Variants in SYBU observed in about 807,000 individuals in gnomAD.
SYBU encodes GOLSYN A protein.
A neutral mutation model predicts 35.9 loss-of-function variants in SYBU; 21 were observed. That is an observed-to-expected ratio of 0.58 (90% CI 0.41 to 0.84). The LOEUF (loss-of-function observed/expected upper bound fraction) is 0.84. SYBU is among the 40% of genes least tolerant of loss of function. The pLI is 0.00. For missense variants in SYBU, 768 were observed against 848.2 expected, an observed-to-expected ratio of 0.91 and a Z score of 1.17; for synonymous variants, 319 against 324.3, an observed-to-expected ratio of 0.98 and a Z score of 0.18.
chr8:109,603,630 G>A (rs1259664112), intron 3 of SYBU, among the ~76,000 whole-genome samples: 5 of 152,110 alleles, frequency 3.3e-5, no homozygotes, highest in Non-Finnish European at 5.9e-5. Context: ...GCAAAGCAGA[G>A]TATTACGAAA....
At chr8:109,678,134 CAAAAAA>C (rs758399888) in intron 1 of SYBU, among the ~76,000 whole-genome samples, 43 of 43,148 alleles carry the variant, frequency 1.0e-3, no homozygotes, top group African/African-American at 1.4e-3. Context: ...AACTCCACCT[CAAAAAA>C]AAAAAAAAAA....
chr8:109,644,090 C>A (rs1182709250), intron 1 of SYBU: 2 of 456,890 alleles, frequency 4.4e-6, no homozygotes, highest in Non-Finnish European at 8.8e-6. Flanking sequence ...TCTGGGAGGC[C>A]GGCACATGGC....
At chr8:109,634,954 G>A (rs1047863582) in intron 2 of SYBU, among the ~76,000 whole-genome samples, 2 of 151,980 alleles carry the variant, frequency 1.3e-5, no homozygotes, top group Non-Finnish European at 2.9e-5. Flanking sequence ...ATTCTTTGCT[G>A]TTTACTTCTC....
Position 109,575,433 on chromosome 8 carries a change from G to A in SYBU, c.1465C>T (p.Gln489Ter), listed in dbSNP as rs377270994. 1 of 1,614,098 alleles carries A rather than the reference G, an allele frequency of 6.2e-7. No individual in the cohort carries two copies. The highest frequency in any genetic ancestry group is 1.3e-5 in the African/African-American group (1 of 74,992). Residue 489 changes from glutamine (Q) to a stop codon, truncating the protein, a stop_gained, in exon 7 of 7, where the codon CAG (glutamine) becomes TAG (stop). Coordinates refer to ENST00000276646, the MANE Select transcript of SYBU (RefSeq NM_001099754.2). LOFTEE classifies it low-confidence loss of function (END_TRUNC). ...EGSVVVERAV[Q>*]TDVVPYSPAI... ...GGGCTGTAGGGCACCACGTCGGTCTGAACGGCTCGCTCCACCACCACACTG... is the reference window on the plus strand; with the variant it reads ...GGGCTGTAGGGCACCACGTCGGTCTAAACGGCTCGCTCCACCACCACACTG...
At chr8:109,633,772 C>T (rs1813896766) in intron 2 of SYBU, among the ~76,000 whole-genome samples, 1 of 152,098 alleles carries the variant, frequency 6.6e-6, no homozygotes, top group African/African-American at 2.4e-5. Context: ...CTTGCTCTGT[C>T]ACCCAGGCTG....
At chr8:109,612,511 A>AT (rs1266517995) in intron 3 of SYBU, among the ~76,000 whole-genome samples, 1 of 152,188 alleles carries the variant, frequency 6.6e-6, no homozygotes, top group East Asian at 1.9e-4. Context: ...TAGCACTAAA[A>AT]TTTTAATTTT....
chr8:109,591,081 A>G (rs952443634), intron 3 of SYBU, among the ~76,000 whole-genome samples: 6 of 152,238 alleles, frequency 3.9e-5, no homozygotes, highest in Admixed American at 6.5e-5. Context: ...TTGTCCATCG[A>G]CAGTGACTGG....
chr8:109,597,567 T>C (rs1366086106), intron 3 of SYBU, among the ~76,000 whole-genome samples: 1 of 150,948 alleles, frequency 6.6e-6, no homozygotes, highest in Non-Finnish European at 1.5e-5. Context: ...AAAAAAAAAT[T>C]AGCCAGGCAT....
At chr8:109,612,633 T>G (rs1332466520) in intron 3 of SYBU, among the ~76,000 whole-genome samples, 1 of 152,246 alleles carries the variant, frequency 6.6e-6, no homozygotes, top group Non-Finnish European at 1.5e-5. Flanking sequence ...TTACATCAAT[T>G]ACTGCACTAA....
intron 1 of SYBU, among the ~76,000 whole-genome samples, chr8:109,651,235 G>A (rs562595122): frequency 6.6e-6 from 1 of 152,264 alleles, no homozygotes; most frequent in East Asian, 1.9e-4. Flanking sequence ...AGCTAAGGCT[G>A]GAGAAATGAC....
chr8:109,656,734 G>T (rs1253210219), intron 1 of SYBU, among the ~76,000 whole-genome samples: 1 of 152,100 alleles, frequency 6.6e-6, no homozygotes, highest in Non-Finnish European at 1.5e-5. Flanking sequence ...TGAATGTTGG[G>T]AGACATTTAA....
chr8:109,655,166 C>G (rs1816303837), intron 1 of SYBU, among the ~76,000 whole-genome samples: 1 of 152,230 alleles, frequency 6.6e-6, no homozygotes, highest in African/African-American at 2.4e-5. Flanking sequence ...CAAATGTTCC[C>G]TCTACCTTGA....
At chr8:109,576,304 TAATCAG>T (rs954268809) in intron 6 of SYBU, among the ~76,000 whole-genome samples, 8 of 152,328 alleles carry the variant, frequency 5.3e-5, no homozygotes, top group Non-Finnish European at 7.4e-5. Flanking sequence ...GTAATAATAG[TAATCAG>T]AATCAGAATC....
In SYBU at chr8:109,575,667, C is replaced by T. The variant is rs754845803; in HGVS notation, c.1231G>A (p.Ala411Thr). The T allele has an allele frequency of 1.2e-6, 2 of 1,614,088 alleles. No individual in the cohort carries two copies. Among genetic ancestry groups the T allele is most frequent in the Admixed American group, 1.7e-5 (1 of 60,018 alleles). The change falls in exon 7 of 7, where the codon GCA (alanine) becomes ACA (threonine). Residue 411 changes from alanine (A) to threonine (T), a missense_variant. By Grantham distance (58) the Ala-to-Thr change is moderately conservative. Coordinates refer to ENST00000276646, the MANE Select transcript of SYBU (RefSeq NM_001099754.2). ...LTLNPPLDTM[A>T]DGLSLEEQVT... ...TGCTCTTCCAGAGATAACCCATCTGCCATTGTGTCAAGAGGGGGGTTGAGG... is the reference window on the plus strand; with the variant it reads ...TGCTCTTCCAGAGATAACCCATCTGTCATTGTGTCAAGAGGGGGGTTGAGG...
intron 1 of SYBU, among the ~76,000 whole-genome samples, chr8:109,679,727 T>C (rs1817332975): frequency 6.6e-6 from 1 of 152,236 alleles, no homozygotes; most frequent in South Asian, 2.1e-4. Context: ...TATTTCAGGA[T>C]AGATTTCTGA....
At chr8:109,684,755 A>G (rs1817481603), upstream of SYBU, among the ~76,000 whole-genome samples, 1 of 152,170 alleles carries the variant, frequency 6.6e-6, no homozygotes, top group African/African-American at 2.4e-5. Flanking sequence ...AGAGAGGACT[A>G]TCTATTCTTT....
intron 1 of SYBU, among the ~76,000 whole-genome samples, chr8:109,666,107 T>C (rs1816742865): frequency 6.6e-6 from 1 of 152,216 alleles, no homozygotes; most frequent in Admixed American, 6.5e-5. Context: ...GGAAAATTGC[T>C]GCTTTCAGAT....
chr8:109,655,260 T>C (rs146734683), intron 1 of SYBU, among the ~76,000 whole-genome samples: 80 of 152,354 alleles, frequency 5.3e-4, no homozygotes, highest in Non-Finnish European at 3.5e-4. Flanking sequence ...GATAATTTGA[T>C]TTGCCAGAGT....
chr8:109,598,938 C>T (rs1185508759), intron 3 of SYBU, among the ~76,000 whole-genome samples: 2 of 152,094 alleles, frequency 1.3e-5, no homozygotes, highest in Non-Finnish European at 2.9e-5. Context: ...GTCACACAGC[C>T]CTTATGTGGG....
Sources: gnomAD v4.1 joint callset for allele counts (sites outside exome capture counted in the v4.1 genomes callset) on GRCh38, gnomAD v4.1.1 for gene constraint, MANE v1.5 for transcripts, NCBI Gene and HGNC (gene_info 2026-07-23, HGNC 2026-07-21) for gene names.